Variants in TRMT9B observed in about 807,000 individuals in gnomAD.
TRMT9B encodes the protein probable tRNA methyltransferase 9B.
A neutral mutation model predicts 11.5 loss-of-function variants in TRMT9B; 16 were observed. That is an observed-to-expected ratio of 1.39 (90% confidence interval 0.94 to 2.11). The LOEUF (loss-of-function observed/expected upper bound fraction) is 2.11. TRMT9B is among the 30% of genes most tolerant of loss of function. The pLI is 0.00. For missense variants in TRMT9B, 941 were observed against 553.8 expected (o/e 1.70, Z -7.02); for synonymous variants, 274 against 192.4 (o/e 1.42, Z -3.51).
rs1178309926 is a variant in TRMT9B, at chr8:13,023,055, A to C, written c.*1011A>C. On this transcript the variant is annotated 3_prime_UTR_variant, in exon 5 of 5. Coordinates refer to ENST00000524591, the MANE Select transcript of TRMT9B (RefSeq NM_020844.3). ...GTGGAGTATGTAGGTAGTAGGAGTT[A>C]TATGCAAGTACCCAAGTGGTATTCT... The C allele has an allele frequency of 6.0e-6, 1 of 167,106 alleles. No homozygotes were observed. The highest frequency in any genetic ancestry group is 1.5e-5 in the Non-Finnish European group (1 of 68,130). The allele number at this position is 167,106 out of a possible 1,614,324, so 10.4% of individuals were successfully genotyped here. A position where few individuals can be genotyped will look rare whatever the true frequency, so the allele number is the denominator to read the frequency against.
intron 1 of TRMT9B, among the ~76,000 whole-genome samples, chr8:12,966,150 A>ACCC (rs56878983): frequency 6.6e-6 from 1 of 150,746 alleles, no homozygotes; most frequent in South Asian, 2.1e-4. Context: ...ACATAGTAAG[A>ACCC]CCCCCCCCAT....
chr8:13,021,362 A>C lies in TRMT9B; in HGVS notation c.683A>C (p.Asn228Thr). The C allele has an allele frequency of 6.2e-7, 1 of 1,614,076 alleles. No individual in the cohort carries two copies. The highest frequency in any genetic ancestry group is 8.5e-7 in the Non-Finnish European group (1 of 1,179,906). Reference protein sequence around the residue: ...EPAMARTCFANISKEGEEEYG... With the variant: ...EPAMARTCFATISKEGEEEYG... ...GCTATGGCAAGAACCTGTTTTGCAAATATTTCTAAGGAAGGCGAGGAAGAA... is the reference window on the plus strand; with the variant it reads ...GCTATGGCAAGAACCTGTTTTGCAACTATTTCTAAGGAAGGCGAGGAAGAA... The change falls in exon 5 of 5, where the codon AAT becomes ACT. Residue 228 changes from asparagine (N) to threonine (T), a missense_variant. Transcript: ENST00000524591.
At chr8:12,985,396 A>C (rs534566943) in intron 1 of TRMT9B, among the ~76,000 whole-genome samples, 3 of 152,118 alleles carry the variant, frequency 2.0e-5, no homozygotes, top group Non-Finnish European at 4.4e-5. Context: ...AGAGGAGAAA[A>C]TATTTATGAA....
intron 2 of TRMT9B, among the ~76,000 whole-genome samples, chr8:12,994,796 C>G (rs540606133): frequency 2.0e-5 from 3 of 152,202 alleles, no homozygotes; most frequent in Admixed American, 6.5e-5. Context: ...ATTCTCCTGC[C>G]TCAGCCTCCT....
At chr8:12,975,991 A>C (rs1426587282) in intron 1 of TRMT9B, among the ~76,000 whole-genome samples, 2 of 152,230 alleles carry the variant, frequency 1.3e-5, no homozygotes, top group Non-Finnish European at 2.9e-5. Context: ...TGCTGATTAC[A>C]AGCAACAGAA....
At chr8:12,946,841 G>A (rs757654777) in intron 1 of TRMT9B, among the ~76,000 whole-genome samples, 2 of 152,172 alleles carry the variant, frequency 1.3e-5, no homozygotes, top group Admixed American at 6.5e-5. Flanking sequence ...CCCTATAAGA[G>A]AAGAAACCAT....
chr8:12,982,441 C>A (rs1022032118), intron 1 of TRMT9B, among the ~76,000 whole-genome samples: 1 of 152,120 alleles, frequency 6.6e-6, no homozygotes, highest in Non-Finnish European at 1.5e-5. Context: ...GTAGGTGGAT[C>A]ACTTGAGGTC....
At chr8:13,009,540 G>A (rs1040247282) in intron 3 of TRMT9B, among the ~76,000 whole-genome samples, 2 of 152,172 alleles carry the variant, frequency 1.3e-5, no homozygotes, top group African/African-American at 4.8e-5. Context: ...CTCTGACGCT[G>A]TTAGCTTCTT....
chr8:12,985,050 G>A lies in TRMT9B; in HGVS notation c.-199-5784G>A, dbSNP rs1294411397. Among the ~76,000 whole-genome samples, 6 of 151,756 alleles carry A rather than the reference G, an allele frequency of 4.0e-5. 1 individual carries two copies. The highest frequency in any genetic ancestry group is 2.4e-5 in the African/African-American group (1 of 41,334). Reference sequence around the variant, plus strand: ...TTCATTTCCCCTATTTCGTTTTGGGGGCTAATATCCTACTCTTAGTGAACA... The same window carrying A: ...TTCATTTCCCCTATTTCGTTTTGGGAGCTAATATCCTACTCTTAGTGAACA... On this transcript the variant is annotated intron_variant, in intron 1 of 4. Coordinates refer to ENST00000524591, the MANE Select transcript of TRMT9B (RefSeq NM_020844.3).
At chr8:12,962,724 C>A (rs1442566382) in intron 1 of TRMT9B, among the ~76,000 whole-genome samples, 1 of 152,160 alleles carries the variant, frequency 6.6e-6, no homozygotes, top group Non-Finnish European at 1.5e-5. Flanking sequence ...CTCCTGAGCT[C>A]AAGTGATCTT....
At chr8:12,946,876 C>G (rs1471752652) in intron 1 of TRMT9B, among the ~76,000 whole-genome samples, 1 of 152,088 alleles carries the variant, frequency 6.6e-6, no homozygotes, top group Admixed American at 6.6e-5. Context: ...CAGGAAGTTC[C>G]CTATGTACCT....
intron 1 of TRMT9B, among the ~76,000 whole-genome samples, chr8:12,980,520 A>G (rs1383462337): frequency 6.6e-6 from 1 of 152,086 alleles, no homozygotes; most frequent in Non-Finnish European, 1.5e-5. Context: ...TCCCGTGTCT[A>G]TGGTGAGAGG....
intron 1 of TRMT9B, among the ~76,000 whole-genome samples, chr8:12,983,641 G>A (rs185081170): frequency 6.6e-6 from 1 of 152,270 alleles, no homozygotes; most frequent in East Asian, 1.9e-4. Flanking sequence ...CTGCACTCTA[G>A]CCTGGGCAAC....
chr8:13,003,310 G>C (rs1809804111), intron 2 of TRMT9B, among the ~76,000 whole-genome samples: 1 of 152,074 alleles, frequency 6.6e-6, no homozygotes, highest in Non-Finnish European at 1.5e-5. Context: ...ACTTCCCTGG[G>C]ATACCACTCA....
intron 1 of TRMT9B, among the ~76,000 whole-genome samples, chr8:12,986,395 G>T (rs1192708356): frequency 6.6e-6 from 1 of 152,128 alleles, no homozygotes; most frequent in African/African-American, 2.4e-5. Flanking sequence ...AAGATGCAGA[G>T]ATCATAAGAC....
At chr8:12,987,505 A>C (rs1026318615) in intron 1 of TRMT9B, among the ~76,000 whole-genome samples, 3 of 152,104 alleles carry the variant, frequency 2.0e-5, no homozygotes, top group Non-Finnish European at 4.4e-5. Context: ...AGCCTGGGGA[A>C]CGTAGGGAGA....
chr8:12,969,943 CA>C (rs1187984671), intron 1 of TRMT9B: 1 of 151,806 alleles, frequency 6.6e-6, no homozygotes, highest in African/African-American at 2.4e-5. Flanking sequence ...CTCAGCTTCC[CA>C]AAATGCTGGA....
intron 1 of TRMT9B, chr8:12,958,438 C>T (rs1372317410): frequency 6.6e-6 from 1 of 152,178 alleles, no homozygotes; most frequent in Non-Finnish European, 1.5e-5. Flanking sequence ...CCTGTTTCTC[C>T]AGCATAGTAC....
At chr8:12,962,922 G>C (rs1264070078) in intron 1 of TRMT9B, among the ~76,000 whole-genome samples, 2 of 152,218 alleles carry the variant, frequency 1.3e-5, no homozygotes, top group Admixed American at 1.3e-4. Flanking sequence ...GTGTGTTTGT[G>C]CTATAGACGA....
Sources: gnomAD v4.1 joint callset for allele counts (sites outside exome capture counted in the v4.1 genomes callset) on GRCh38, gnomAD v4.1.1 for gene constraint, MANE v1.5 for transcripts, NCBI Gene and HGNC (gene_info 2026-07-23, HGNC 2026-07-21) for gene names.